Variants in CYB5D2 observed in about 807,000 individuals in gnomAD.
CYB5D2 encodes the protein neuferricin.
CYB5D2 carries 23 observed loss-of-function variants against 22.8 expected under a neutral mutation model. The ratio of observed to expected loss-of-function variants is 1.01; its 90% CI spans 0.73 to 1.43. The LOEUF (loss-of-function observed/expected upper bound fraction) is 1.43, where lower values mean the gene tolerates loss of function less well. Ranked by LOEUF, CYB5D2 falls within the 40% of genes most tolerant of loss-of-function variation. CYB5D2 has a pLI of 0.00. For synonymous variants in CYB5D2, 170 were observed against 152.2 expected (o/e 1.12, Z -0.86); for missense variants, 373 against 357.2 (o/e 1.04, Z -0.36).
chr17:4,149,999 T>G lies in CYB5D2; in HGVS notation c.359T>G (p.Leu120Arg). ...GAGATGCTGACACTTCACAATTGGC[T>G]TTCATTCTATGAGAAGAATTATGTG... ...AAEMLTLHNW[L>R]SFYEKNYVCV... The change falls in exon 2 of 4, where the codon CTT (leucine) becomes CGT (arginine). Residue 120 changes from leucine (L) to arginine (R), a missense_variant. Coordinates refer to ENST00000301391, the MANE Select transcript of CYB5D2 (RefSeq NM_144611.4). 1 of 1,614,148 alleles carries G rather than the reference T, an allele frequency of 6.2e-7. No individual in the cohort carries two copies. Among genetic ancestry groups the G allele is most frequent in the Non-Finnish European group, 8.5e-7 (1 of 1,180,030 alleles).
Position 4,150,003 on chromosome 17 carries a change from A to C in CYB5D2, c.363A>C (p.Ser121=), listed in dbSNP as rs781086989. ...TGCTGACACTTCACAATTGGCTTTCATTCTATGAGAAGAATTATGTGTGTG... is the reference window on the plus strand; with the variant it reads ...TGCTGACACTTCACAATTGGCTTTCCTTCTATGAGAAGAATTATGTGTGTG... The part of the protein sequence containing the change: ...AEMLTLHNWL[S]FYEKNYVCVG... Residue 121 remains serine (S), a synonymous_variant, in exon 2 of 4, where the codon TCA becomes TCC. Coordinates refer to ENST00000301391, the MANE Select transcript of CYB5D2 (RefSeq NM_144611.4). The C allele has an allele frequency of 2.5e-6, 4 of 1,614,160 alleles. No individual in the cohort carries two copies. The highest frequency in any genetic ancestry group is 2.5e-6 in the Non-Finnish European group (3 of 1,180,036).
In CYB5D2 at chr17:4,143,214, T is replaced by C. The variant is rs1379986245; in HGVS notation, c.-542T>C. On this transcript the variant is annotated 5_prime_UTR_variant, in exon 1 of 4. Transcript: ENST00000301391. Reference sequence around the variant, plus strand: ...CCGCTGCCGCCATCTTTGTTGGGGCTGACAACCTGCAAGCCAAGAAGTACG... The same window carrying C: ...CCGCTGCCGCCATCTTTGTTGGGGCCGACAACCTGCAAGCCAAGAAGTACG... 1.0e-5 allele frequency: 3 copies of C among 286,762 alleles called. No individual in the cohort carries two copies. Among genetic ancestry groups the C allele is most frequent in the Non-Finnish European group, 1.9e-5 (3 of 159,676 alleles). 17.8% of individuals were successfully genotyped at this position (286,762 alleles called of 1,614,324 possible). A position where few individuals can be genotyped will look rare whatever the true frequency, so the allele number is the denominator to read the frequency against.
At position 4,143,944 on chromosome 17, in the gene CYB5D2, C is replaced by G; in HGVS notation, c.189C>G (p.Val63=). ...TGTACTTGGCGTTGCTCGGCCGTGT[C>G]TACGATGTGTCCTCCGGCCGGAGGC... The part of the protein sequence containing the change: ...PGLYLALLGR[V]YDVSSGRRHY... The change falls in exon 1 of 4, where the codon GTC becomes GTG. Residue 63 remains valine, a synonymous_variant. Coordinates refer to ENST00000301391, the MANE Select transcript of CYB5D2 (RefSeq NM_144611.4). 6.2e-7 allele frequency: 1 copy of G among 1,613,478 alleles called. No individual in the cohort carries two copies. Among genetic ancestry groups the G allele is most frequent in the Non-Finnish European group, 8.5e-7 (1 of 1,179,976 alleles).
At position 4,154,534 on chromosome 17, in the gene CYB5D2, G is replaced by A. The variant is rs901525886; in HGVS notation, c.392-140G>A. 2.9e-5 allele frequency: 26 copies of A among 909,846 alleles called. No homozygotes were observed. In the African/African-American group the frequency reaches 3.5e-4, roughly 12 times the overall value. 56.4% of individuals were successfully genotyped at this position (909,846 alleles called of 1,614,324 possible). A position where few individuals can be genotyped will look rare whatever the true frequency, so the allele number is the denominator to read the frequency against. ...TAAGAGGTTGGTGTGCAAGGCACCA[G>A]GAGTGCCTGCAGTAGAAGTTCTTAT... On this transcript the variant is annotated intron_variant, in intron 2 of 3. Coordinates refer to ENST00000301391, the MANE Select transcript of CYB5D2 (RefSeq NM_144611.4).
At chr17:4,155,972 G>A (rs1309414647) in intron 3 of CYB5D2, among the ~76,000 whole-genome samples, 1 of 152,276 alleles carries the variant, frequency 6.6e-6, no homozygotes, top group Non-Finnish European at 1.5e-5. Context: ...TAGACTGAGA[G>A]GAACAAGTGC....
At chr17:4,156,477 G>C (rs887198407) in intron 3 of CYB5D2, among the ~76,000 whole-genome samples, 2 of 152,276 alleles carry the variant, frequency 1.3e-5, no homozygotes, top group Non-Finnish European at 2.9e-5. Flanking sequence ...GGTTGTAGTG[G>C]GGAAGGAAGA....
rs542709541 is a variant in CYB5D2, at chr17:4,149,324, G to C, written c.251-567G>C. ...TGGTAGACAGTGAGGAGCTGGAGAA[G>C]TAGGAGGAAAATCAGGCCAAGGGAA... On this transcript the variant is annotated intron_variant, in intron 1 of 3. Transcript: ENST00000301391. 8.5e-5 allele frequency among the ~76,000 whole-genome samples: 13 copies of C among 152,326 alleles called. No individual in the cohort carries two copies. In the South Asian group the frequency reaches 2.5e-3, roughly 29 times the overall value.
chr17:4,156,987 C>G lies in CYB5D2; in HGVS notation c.700C>G (p.Pro234Ala), dbSNP rs1372370873. The G allele has an allele frequency of 3.1e-6, 5 of 1,612,912 alleles. No homozygotes were observed. The highest frequency in any genetic ancestry group is 4.2e-6 in the Non-Finnish European group (5 of 1,180,042). Residue 234 changes from proline to alanine, a missense_variant, in exon 4 of 4, where the codon CCT becomes GCT. Transcript: ENST00000301391. ...CCCTAGTGGCCAGATGCCGGACAAC[C>G]CTCCACACAGAAATCGTGGGGACCT... is the stretch of plus-strand genomic sequence containing the variant. ...GPPSGQMPDN[P>A]PHRNRGDLDH... is the part of the protein sequence containing the mutation.
rs908560356 is a variant in CYB5D2, at chr17:4,151,647, A to G, written c.391+1616A>G. On this transcript the variant is annotated intron_variant, in intron 2 of 3. Coordinates refer to ENST00000301391, the MANE Select transcript of CYB5D2 (RefSeq NM_144611.4). ...GGTTGCAGTGAGCCAAGATCGCACC[A>G]CTACACTCCAGCCTGGGTGGCTGAG... 3.3e-5 allele frequency among the ~76,000 whole-genome samples: 5 copies of G among 151,972 alleles called. No homozygotes were observed. The South Asian group carries it at 1.0e-3, about 32-fold the overall frequency.
chr17:4,143,388 TG>T lies in CYB5D2; in HGVS notation c.-363del. 1.1e-5 allele frequency: 2 copies of T among 188,208 alleles called. No individual in the cohort carries two copies. The highest frequency in any genetic ancestry group is 9.7e-5 in the South Asian group (1 of 10,352). The allele number at this position is 188,208 out of a possible 1,614,324, so 11.7% of individuals were successfully genotyped here. A position where few individuals can be genotyped will look rare whatever the true frequency, so the allele number is the denominator to read the frequency against. On this transcript the variant is annotated 5_prime_UTR_variant, in exon 1 of 4. Transcript: ENST00000301391. ...CTAAATACAAAATATTAGCCGGACGTGGGGGCGCGTGCCTGTAATCCCAGCT... is the reference window on the plus strand; with the variant it reads ...CTAAATACAAAATATTAGCCGGACGTGGGGCGCGTGCCTGTAATCCCAGCT...
chr17:4,151,929 C>T (rs1475674463), intron 2 of CYB5D2, among the ~76,000 whole-genome samples: 1 of 151,802 alleles, frequency 6.6e-6, no homozygotes, highest in Middle Eastern at 3.4e-3. Context: ...TCACTTGAAC[C>T]TGGAAGGCAG....
At position 4,157,151 on chromosome 17, in the gene CYB5D2, G is replaced by T; in HGVS notation, c.*69G>T. 13 of 1,541,730 alleles carry T rather than the reference G, an allele frequency of 8.4e-6. No individual in the cohort carries two copies. The South Asian group carries it at 1.2e-4, about 14-fold the overall frequency. ...GCACCTGAGTAGGCCCTTGACACTT[G>T]TGTGCCCTGGGATGCCTCCTGGCGC... On this transcript the variant is annotated 3_prime_UTR_variant, in exon 4 of 4. Transcript: ENST00000301391. This position sits in a 1 kb window ranked among gnomAD's most constrained non-coding sequence, Gnocchi z 4.4.
At chr17:4,149,840 G>A in intron 1 of CYB5D2, 51 bp from the exon 2 acceptor site, 1 of 1,569,930 alleles carries the variant, frequency 6.4e-7, no homozygotes, top group South Asian at 1.2e-5. Flanking sequence ...CTTGAGTGGG[G>A]ATGGTGTCAG....
At chr17:4,149,358 C>G (rs2059028079) in intron 1 of CYB5D2, among the ~76,000 whole-genome samples, 1 of 152,170 alleles carries the variant, frequency 6.6e-6, no homozygotes, top group African/African-American at 2.4e-5. Flanking sequence ...AAGTGGTCAG[C>G]TGTGTTAAAG....
intron 2 of CYB5D2, among the ~76,000 whole-genome samples, chr17:4,150,560 A>G (rs1229909291): frequency 1.4e-5 from 2 of 145,062 alleles, no homozygotes; most frequent in Non-Finnish European, 3.2e-5. Flanking sequence ...ATGAGACAAC[A>G]CCAAACTGTG....
chr17:4,152,515 A>G (rs1299257973), intron 2 of CYB5D2, among the ~76,000 whole-genome samples: 4 of 152,228 alleles, frequency 2.6e-5, no homozygotes, highest in Non-Finnish European at 4.4e-5. Flanking sequence ...AGATGCAGCC[A>G]CTGGTGATCA....
Position 4,157,195 on chromosome 17 carries a change from A to G in CYB5D2, c.*113A>G. 1 of 1,201,654 alleles carries G rather than the reference A, an allele frequency of 8.3e-7. No individual in the cohort carries two copies. Among genetic ancestry groups the G allele is most frequent in the Non-Finnish European group, 1.2e-6 (1 of 852,892 alleles). 74.4% of individuals were successfully genotyped at this position (1,201,654 alleles called of 1,614,324 possible). On this transcript the variant is annotated 3_prime_UTR_variant, in exon 4 of 4. Transcript: ENST00000301391. The surrounding 1 kb of genome is among the most constrained non-coding windows in gnomAD (Gnocchi z 4.4). Reference sequence around the variant, plus strand: ...CTGGCGCGAATCAGGAGGGTCTGGAAGGACTCTGGCTATATTCTGCAAATG... The same window carrying G: ...CTGGCGCGAATCAGGAGGGTCTGGAGGGACTCTGGCTATATTCTGCAAATG...
intron 1 of CYB5D2, among the ~76,000 whole-genome samples, chr17:4,146,256 G>C (rs1022867039): frequency 1.3e-5 from 2 of 151,026 alleles, no homozygotes; most frequent in African/African-American, 2.4e-5. Context: ...ACCATGTCTG[G>C]CTAATTTTTT....
chr17:4,148,996 A>G (rs897027), intron 1 of CYB5D2, among the ~76,000 whole-genome samples: 31,769 of 150,798 alleles, frequency 0.21, 3,420 homozygotes, highest in Middle Eastern at 0.27. Context: ...CCTGTCACGC[A>G]GGCTGGAGTG....
Sources: allele counts gnomAD v4.1 joint callset (sites outside exome capture counted in the v4.1 genomes callset), GRCh38; gene constraint gnomAD v4.1.1; non-coding constraint Gnocchi (gnomAD v3.1); transcripts MANE v1.5; gene names NCBI Gene and HGNC (gene_info 2026-07-23, HGNC 2026-07-21).